ZFHX3: variants seen among roughly 807,000 people sequenced by gnomAD.
ZFHX3 encodes the protein zinc finger homeobox 3.
A neutral mutation model predicts 279.1 loss-of-function variants in ZFHX3; 42 were observed. The observed-to-expected ratio is 0.15, with a 90% confidence interval of 0.12 to 0.19. ZFHX3 has a LOEUF of 0.19. Among genes scored for constraint, ZFHX3 ranks in the 10% least tolerant of loss-of-function variants. The probability of loss-of-function intolerance (pLI) is 1.00; values close to 1 mark genes in which losing one functional copy is unlikely to be tolerated. For missense variants in ZFHX3, 4,981 were observed against 4,754.0 expected, an observed-to-expected ratio of 1.05 and a Z score of -1.40; for synonymous variants, 2,293 against 1,957.8, an observed-to-expected ratio of 1.17 and a Z score of -4.52.
Position 72,950,777 on chromosome 16 carries a change from T to C in ZFHX3, c.2908A>G (p.Ser970Gly). The change falls in exon 3 of 10, where the codon AGC (serine) becomes GGC (glycine). Residue 970 changes from serine to glycine, a missense_variant. By Grantham distance (56) the Ser-to-Gly change is moderately conservative. This residue lies in a region of ZFHX3 where 1,751 missense variants were observed against 1,770.0 expected (regional missense o/e 0.99). Coordinates refer to ENST00000268489, the MANE Select transcript of ZFHX3 (RefSeq NM_006885.4). Reference sequence around the variant, plus strand: ...GCCTTCCACTCGTCCTCCGACAGGCTGCGCTCCACGTTCATGTGCAGGCCC... The same window carrying C: ...GCCTTCCACTCGTCCTCCGACAGGCCGCGCTCCACGTTCATGTGCAGGCCC... Reference protein sequence around the residue: ...MLGLHMNVERSLSEDEWKAVM... With the variant: ...MLGLHMNVERGLSEDEWKAVM... The C allele has an allele frequency of 6.2e-7, 1 of 1,614,214 alleles. No homozygotes were observed. Among genetic ancestry groups the C allele is most frequent in the South Asian group, 1.1e-5 (1 of 91,090 alleles).
At chr16:73,805,347 T>C (rs1166055944) in intron 1 of ZFHX3, among the ~76,000 whole-genome samples, 1 of 152,102 alleles carries the variant, frequency 6.6e-6, no homozygotes, top group Non-Finnish European at 1.5e-5. Flanking sequence ...TTTTGTATTT[T>C]TAGTAGAGAT....
At chr16:73,238,851 C>T (rs951448040) in intron 5 of ZFHX3, among the ~76,000 whole-genome samples, 3 of 152,154 alleles carry the variant, frequency 2.0e-5, no homozygotes, top group Non-Finnish European at 2.9e-5. Flanking sequence ...CTGGAACGTT[C>T]ACCTCGGCTT....
At chr16:72,980,529 C>T (rs181483522) in intron 1 of ZFHX3, among the ~76,000 whole-genome samples, 3 of 151,046 alleles carry the variant, frequency 2.0e-5, no homozygotes, top group Admixed American at 6.6e-5. Context: ...GAGGCTGAGA[C>T]GGGCAGATTG....
At chr16:73,675,860 TA>T (rs200598627) in intron 2 of ZFHX3, among the ~76,000 whole-genome samples, 30 of 150,888 alleles carry the variant, frequency 2.0e-4, no homozygotes, top group African/African-American at 7.1e-4. Context: ...TTCAATTATC[TA>T]AAAAAAAATC....
At chr16:73,083,600 G>A (rs1965975593) in intron 8 of ZFHX3, among the ~76,000 whole-genome samples, 1 of 152,072 alleles carries the variant, frequency 6.6e-6, no homozygotes, top group African/African-American at 2.4e-5. Context: ...TGCAATCTTG[G>A]CTCACTGCAG....
At chr16:73,436,420 A>AAG (rs1421740974) in intron 3 of ZFHX3, among the ~76,000 whole-genome samples, 7 of 152,164 alleles carry the variant, frequency 4.6e-5, no homozygotes, top group South Asian at 2.1e-4. Context: ...GGCAGCAGAC[A>AAG]AGAGAGAATG....
intron 1 of ZFHX3, among the ~76,000 whole-genome samples, chr16:73,757,716 A>C (rs2053824913): frequency 1.3e-5 from 2 of 152,182 alleles, no homozygotes; most frequent in African/African-American, 4.8e-5. Flanking sequence ...ATTGGAGCAC[A>C]GAGTTGGAGG....
At chr16:73,357,840 C>A (rs1478068822) in intron 3 of ZFHX3, among the ~76,000 whole-genome samples, 1 of 152,216 alleles carries the variant, frequency 6.6e-6, no homozygotes, top group African/African-American at 2.4e-5. Context: ...CTCTTCCAGG[C>A]TGGTCTGCTC....
At chr16:73,393,491 T>C (rs1281751558) in intron 3 of ZFHX3, among the ~76,000 whole-genome samples, 1 of 152,202 alleles carries the variant, frequency 6.6e-6, no homozygotes, top group Non-Finnish European at 1.5e-5. Context: ...ATCAAAATTA[T>C]GAACTCAGAT....
chr16:73,665,069 C>T (rs1811307962), intron 2 of ZFHX3, among the ~76,000 whole-genome samples: 1 of 152,040 alleles, frequency 6.6e-6, no homozygotes, highest in Non-Finnish European at 1.5e-5. Flanking sequence ...CACTATTGTC[C>T]CTGCTCTCAC....
intron 3 of ZFHX3, among the ~76,000 whole-genome samples, chr16:73,394,189 G>A (rs567927752): frequency 1.2e-4 from 18 of 149,438 alleles, no homozygotes; most frequent in Middle Eastern, 3.6e-3. Context: ...CAGATAAAAC[G>A]TCGAATAAGG....
intron 4 of ZFHX3, among the ~76,000 whole-genome samples, chr16:72,845,189 C>T (rs1342987768): frequency 1.3e-5 from 2 of 152,118 alleles, no homozygotes; most frequent in South Asian, 4.2e-4. Context: ...TTCTTCCTCC[C>T]CCTGCGCCCA....
intron 1 of ZFHX3, among the ~76,000 whole-genome samples, chr16:73,882,269 G>T (rs1335376461): frequency 6.6e-6 from 1 of 151,852 alleles, no homozygotes. Context: ...TTTATTGCTT[G>T]GTAACCTCTT....
At chr16:72,951,054 A>C in intron 2 of ZFHX3, 89 bp from the exon 3 acceptor site, 2 of 1,518,326 alleles carry the variant, frequency 1.3e-6, no homozygotes, top group Non-Finnish European at 1.8e-6. Context: ...CGCCACCCTC[A>C]ACTGGGGTCC....
chr16:73,179,619 G>T (rs901101233), intron 5 of ZFHX3, among the ~76,000 whole-genome samples: 4 of 152,220 alleles, frequency 2.6e-5, no homozygotes, highest in African/African-American at 7.2e-5. Context: ...ACTCTAGAAG[G>T]TTAGGGAAAG....
intron 1 of ZFHX3, among the ~76,000 whole-genome samples, chr16:73,812,915 T>C (rs771032584): frequency 5.3e-5 from 8 of 152,208 alleles, no homozygotes; most frequent in Admixed American, 2.0e-4. Flanking sequence ...AAAGCAGATA[T>C]GATAATACTT....
intron 3 of ZFHX3, chr16:73,401,407 C>CACACA (rs2017252400): frequency 4.7e-5 from 6 of 126,382 alleles, no homozygotes; most frequent in South Asian, 2.7e-4. Flanking sequence ...CACACACACA[C>CACACA]CTCAAAAGCC....
At chr16:73,289,769 G>A (rs2014721608) in intron 4 of ZFHX3, among the ~76,000 whole-genome samples, 1 of 152,122 alleles carries the variant, frequency 6.6e-6, no homozygotes, top group Non-Finnish European at 1.5e-5. Context: ...CAGGGGAGCA[G>A]GAGACCCTAC....
At chr16:73,769,941 G>C (rs2053998942) in intron 1 of ZFHX3, among the ~76,000 whole-genome samples, 1 of 152,338 alleles carries the variant, frequency 6.6e-6, no homozygotes, top group South Asian at 2.1e-4. Context: ...AAAGAAAGTA[G>C]TGATATTACA....
Sources: allele counts gnomAD v4.1 joint callset (sites outside exome capture counted in the v4.1 genomes callset), GRCh38; gene constraint gnomAD v4.1.1; regional missense constraint gnomAD v4.1.1; transcripts MANE v1.5; gene names NCBI Gene and HGNC (gene_info 2026-07-23, HGNC 2026-07-21).